TSPAN1: variants seen among roughly 807,000 people sequenced by gnomAD.
TSPAN1 encodes the protein tetraspanin-1.
A neutral mutation model predicts 26.9 loss-of-function variants in TSPAN1; 23 were observed. The observed-to-expected ratio is 0.85, with a 90% CI of 0.62 to 1.21. TSPAN1 has a LOEUF of 1.21. Among genes scored for constraint, TSPAN1 ranks in the 50% most tolerant of loss-of-function variants. The pLI is 0.00. For missense variants in TSPAN1, 283 were observed against 298.4 expected, an observed-to-expected ratio of 0.95 and a Z score of 0.38; for synonymous variants, 115 against 114.8, an observed-to-expected ratio of 1.00 and a Z score of -0.01.
the TSPAN1 span, chr1:46,196,135 T>C: frequency 5.0e-6 from 8 of 1,612,128 alleles, no homozygotes; most frequent in Non-Finnish European, 6.8e-6. This position sits in a 1 kb window ranked among gnomAD's most constrained non-coding sequence, Gnocchi z 4.4. Context: ...GGTGTCTCTG[T>C]CTTAGGGGTA....
At chr1:46,176,628 T>A in intron 1 of TSPAN1, 1 of 971,014 alleles carries the variant, frequency 1.0e-6, no homozygotes, top group East Asian at 2.6e-5. Context: ...ACAATCTTCT[T>A]TATTGGGTCT....
chr1:46,183,776 G>A, intron 3 of TSPAN1: 1 of 274,514 alleles, frequency 3.6e-6, no homozygotes, highest in South Asian at 4.5e-5. Flanking sequence ...TATTGAGCCT[G>A]TTCTGCTACC....
chr1:46,195,635 C>A, the TSPAN1 span: 1 of 704,162 alleles, frequency 1.4e-6, no homozygotes, highest in Non-Finnish European at 2.6e-6. Context: ...TGGCATACAG[C>A]TGTTGCTCAA....
intron 1 of TSPAN1, among the ~76,000 whole-genome samples, chr1:46,180,192 C>G (rs771967923): frequency 6.6e-5 from 10 of 152,230 alleles, no homozygotes; most frequent in Non-Finnish European, 1.3e-4. Context: ...TGGATGGCAG[C>G]ATGAGCAGAT....
At position 46,175,289 on chromosome 1, in the gene TSPAN1, G is replaced by C. The variant is rs908421360; in HGVS notation, c.-262G>C. 2.1e-5 allele frequency: 6 copies of C among 291,894 alleles called. No homozygotes were observed. The highest frequency in any genetic ancestry group is 3.8e-5 in the Non-Finnish European group (6 of 158,984). 18.1% of individuals were successfully genotyped at this position (291,894 alleles called of 1,614,324 possible). On this transcript the variant is annotated 5_prime_UTR_variant, in exon 1 of 9. Transcript: ENST00000372003. ...GCAGTTAGGAGTGTAAGGCAAGAGA[G>C]CCCCTACTTCATGGGGCAGATCAAG...
downstream of TSPAN1, chr1:46,190,653 G>C: frequency 6.5e-7 from 1 of 1,545,438 alleles, no homozygotes; most frequent in Non-Finnish European, 8.9e-7. Context: ...AGCATTGGAA[G>C]GGACTTTCAG....
At chr1:46,175,854 A>C in intron 1 of TSPAN1, 1 of 441,002 alleles carries the variant, frequency 2.3e-6, no homozygotes, top group Non-Finnish European at 3.9e-6. Flanking sequence ...CCAGGTAGGG[A>C]AATCTTCACT....
At chr1:46,183,858 G>A in intron 3 of TSPAN1, 1 of 410,642 alleles carries the variant, frequency 2.4e-6, no homozygotes, top group Non-Finnish European at 4.6e-6. Flanking sequence ...ATAGGAGGCT[G>A]GGCCCTCACC....
intron 1 of TSPAN1, chr1:46,175,940 T>G: frequency 2.0e-6 from 1 of 495,344 alleles, no homozygotes; most frequent in Non-Finnish European, 3.6e-6. Flanking sequence ...TGGCGCGATC[T>G]TGGCTCACTG....
the TSPAN1 span, among the ~76,000 whole-genome samples, chr1:46,196,467 T>C: frequency 2.0e-4 from 30 of 152,250 alleles, no homozygotes; most frequent in African/African-American, 7.2e-5. The surrounding 1 kb of genome is among the most constrained non-coding windows in gnomAD (Gnocchi z 4.4). Context: ...GGTTATAAAA[T>C]AAATCAATGA....
downstream of TSPAN1, chr1:46,190,020 G>A (rs1657630602): frequency 6.2e-7 from 1 of 1,612,496 alleles, no homozygotes; most frequent in Non-Finnish European, 8.5e-7. Flanking sequence ...ATATAGCCAA[G>A]ACAGGGCCCA....
intron 8 of TSPAN1, 61 bp downstream of exon 8, chr1:46,185,369 T>A (rs1657407509): frequency 6.2e-7 from 1 of 1,609,524 alleles, no homozygotes; most frequent in Non-Finnish European, 8.5e-7. Context: ...GCTCAACCCA[T>A]CTGAGGCCTC....
At chr1:46,186,217 A>T (rs1277155840), downstream of TSPAN1, among the ~76,000 whole-genome samples, 1 of 151,756 alleles carries the variant, frequency 6.6e-6, no homozygotes, top group Non-Finnish European at 1.5e-5. Context: ...GACTGAAACT[A>T]CCCCCTCCTG....
In TSPAN1 at chr1:46,185,051, A is replaced by T. The variant is rs1422140959; in HGVS notation, c.530A>T (p.Asp177Val). The T allele has an allele frequency of 6.2e-7, 1 of 1,614,180 alleles. No individual in the cohort carries two copies. Residue 177 changes from aspartate to valine, a missense_variant, in exon 7 of 9, where the codon GAC becomes GTC. Coordinates refer to ENST00000372003, the MANE Select transcript of TSPAN1 (RefSeq NM_005727.4). ...GCCTTTCCCCCATTCTGTTGCAATG[A>T]CAACGTCACCAACACAGCCAATGAA... ...NSAFPPFCCNDNVTNTANETC... is the reference protein window; with the variant it reads ...NSAFPPFCCNVNVTNTANETC...
intron 1 of TSPAN1, among the ~76,000 whole-genome samples, chr1:46,179,171 A>T (rs1194844536): frequency 2.0e-5 from 3 of 151,376 alleles, no homozygotes; most frequent in East Asian, 1.9e-4. Context: ...AAAAAAAAAA[A>T]TTTGCTTGAG....
chr1:46,181,843 T>C (rs190706509), intron 3 of TSPAN1, among the ~76,000 whole-genome samples: 1 of 152,184 alleles, frequency 6.6e-6, no homozygotes, highest in East Asian at 1.9e-4. Context: ...AAATTGCACT[T>C]GGTGGGGGAG....
chr1:46,194,833 G>A, the TSPAN1 span: 2 of 1,614,024 alleles, frequency 1.2e-6, no homozygotes, highest in Middle Eastern at 1.7e-4. Flanking sequence ...GATGGCCTCT[G>A]ATGCCGGCAC....
At position 46,175,377 on chromosome 1, in the gene TSPAN1, T is replaced by C; in HGVS notation, c.-174T>C. The C allele has an allele frequency of 2.6e-6, 1 of 385,548 alleles. No homozygotes were observed. Among genetic ancestry groups the C allele is most frequent in the Non-Finnish European group, 4.6e-6 (1 of 218,498 alleles). The allele number at this position is 385,548 out of a possible 1,614,324, so 23.9% of individuals were successfully genotyped here. On this transcript the variant is annotated 5_prime_UTR_variant, in exon 1 of 9. The change abolishes an upstream ATG in the 5' untranslated region. Transcript: ENST00000372003. ...CCTGTCCTCCTGCTGTCTTAAACTA[T>C]GATCCCTGCTGCGGTCACTGAAGCC... is the stretch of plus-strand genomic sequence containing the variant.
At chr1:46,192,427 G>C in the TSPAN1 span, 1 of 1,614,162 alleles carries the variant, frequency 6.2e-7, no homozygotes, top group Admixed American at 1.7e-5. Flanking sequence ...TCAGCCGTGT[G>C]TTCATACCCC....
Sources: gnomAD v4.1 joint callset for allele counts (sites outside exome capture counted in the v4.1 genomes callset) on GRCh38, gnomAD v4.1.1 for gene constraint, Gnocchi (gnomAD v3.1) non-coding constraint, MANE v1.5 for transcripts, NCBI Gene and HGNC (gene_info 2026-07-23, HGNC 2026-07-21) for gene names.